The following GRIN2B variants were observed in gnomAD, a reference collection of about 807,000 sequenced individuals.
GRIN2B encodes the protein glutamate ionotropic receptor NMDA type subunit 2B.
A neutral mutation model predicts 114.5 loss-of-function variants in GRIN2B; 5 were observed. The ratio of observed to expected loss-of-function variants is 0.04; its 90% CI spans 0.02 to 0.09. The LOEUF (loss-of-function observed/expected upper bound fraction) is 0.09. Among genes scored for constraint, GRIN2B ranks in the 10% least tolerant of loss-of-function variants. The probability of loss-of-function intolerance (pLI) is 1.00; values close to 1 mark genes in which losing one functional copy is unlikely to be tolerated. For missense variants in GRIN2B, 1,108 were observed against 1,943.5 expected, an observed-to-expected ratio of 0.57 and a Z score of 8.08; for synonymous variants, 787 against 745.1, an observed-to-expected ratio of 1.06 and a Z score of -0.92.
At chr12:13,908,892 C>T (rs892843934) in intron 2 of GRIN2B, among the ~76,000 whole-genome samples, 5 of 152,108 alleles carry the variant, frequency 3.3e-5, no homozygotes, top group African/African-American at 9.7e-5. Flanking sequence ...GTGCATAACA[C>T]GAAGCACACT....
chr12:13,705,445 T>C (rs890845052), intron 4 of GRIN2B, among the ~76,000 whole-genome samples: 6 of 152,158 alleles, frequency 3.9e-5, no homozygotes, highest in Non-Finnish European at 8.8e-5. Context: ...TTTAAAAGTA[T>C]ACTATATTTT....
chr12:13,784,560 A>AC (rs1408143071), intron 3 of GRIN2B, among the ~76,000 whole-genome samples: 3 of 151,550 alleles, frequency 2.0e-5, no homozygotes, highest in African/African-American at 4.8e-5. Flanking sequence ...GTCAATTTCC[A>AC]CCCCCCTGCC....
At chr12:13,689,325 T>C (rs1008631665) in intron 4 of GRIN2B, among the ~76,000 whole-genome samples, 3 of 152,176 alleles carry the variant, frequency 2.0e-5, no homozygotes, top group African/African-American at 7.2e-5. Context: ...AGTTAAAACT[T>C]ATGAAGCACT....
chr12:13,694,497 T>A (rs1950241437), intron 4 of GRIN2B, among the ~76,000 whole-genome samples: 3 of 151,486 alleles, frequency 2.0e-5, no homozygotes, highest in Admixed American at 2.0e-4. Flanking sequence ...AATCCCATGT[T>A]ACAGATGAGG....
At chr12:13,625,710 G>T (rs965982144) in intron 5 of GRIN2B, among the ~76,000 whole-genome samples, 2 of 152,030 alleles carry the variant, frequency 1.3e-5, no homozygotes, top group Non-Finnish European at 2.9e-5. Flanking sequence ...CAAACATCAG[G>T]GCGAACTCTA....
At chr12:13,793,814 A>G (rs1748749844) in intron 3 of GRIN2B, among the ~76,000 whole-genome samples, 2 of 152,158 alleles carry the variant, frequency 1.3e-5, no homozygotes, top group Admixed American at 6.5e-5. Context: ...TCAGTAAGTC[A>G]TATCTTCAAA....
At chr12:13,627,004 C>T (rs550528322) in intron 5 of GRIN2B, among the ~76,000 whole-genome samples, 1 of 151,802 alleles carries the variant, frequency 6.6e-6, no homozygotes, top group Non-Finnish European at 1.5e-5. Context: ...GTCGAATCCT[C>T]GGGATTTTTG....
intron 3 of GRIN2B, among the ~76,000 whole-genome samples, chr12:13,793,959 T>C (rs1344784404): frequency 6.8e-6 from 1 of 147,656 alleles, no homozygotes. Flanking sequence ...CCCAGCACTT[T>C]GGGAGGCCAA....
chr12:13,571,714 G>A (rs967468787), intron 11 of GRIN2B, 90 bp downstream of exon 11: 9 of 1,300,160 alleles, frequency 6.9e-6, no homozygotes, highest in African/African-American at 5.8e-5. Flanking sequence ...ATGATACCAA[G>A]CATGGTATAC....
intron 10 of GRIN2B, among the ~76,000 whole-genome samples, chr12:13,581,960 G>A (rs996726287): frequency 3.3e-5 from 5 of 150,866 alleles, no homozygotes; most frequent in African/African-American, 1.2e-4. Context: ...GTAAACACAT[G>A]GGTTATGGGC....
At chr12:13,804,428 T>C (rs1283642769) in intron 3 of GRIN2B, among the ~76,000 whole-genome samples, 3 of 152,102 alleles carry the variant, frequency 2.0e-5, no homozygotes, top group African/African-American at 7.2e-5. Flanking sequence ...ATCAACCCCA[T>C]CTATTTTTAG....
At position 13,969,835 on chromosome 12, in the gene GRIN2B, G is replaced by C. The variant is rs73303083; in HGVS notation, c.-19+10093C>G. On this transcript the variant is annotated intron_variant, in intron 2 of 13. Coordinates refer to ENST00000609686, the MANE Select transcript of GRIN2B (RefSeq NM_000834.5). ...GAAATCAAAGCAGCTTTGTAAATGG[G>C]TACATAATAAAAAGGAGAGGTTGAG... Among the ~76,000 whole-genome samples the C allele has an allele frequency of 4.4e-3, 663 of 152,244 alleles. 5 individuals carry two copies. Among genetic ancestry groups the C allele is most frequent in the African/African-American group, 0.015 (618 of 41,530 alleles).
intron 2 of GRIN2B, among the ~76,000 whole-genome samples, chr12:13,899,823 G>A (rs961396068): frequency 9.4e-6 from 1 of 106,538 alleles, no homozygotes; most frequent in African/African-American, 2.7e-5. Context: ...CTTTATAGAA[G>A]ACAGTATATG....
intron 2 of GRIN2B, among the ~76,000 whole-genome samples, chr12:13,907,639 G>A (rs1004766618): frequency 5.9e-5 from 9 of 152,138 alleles, no homozygotes; most frequent in Non-Finnish European, 4.4e-5. Context: ...GTATTGACTG[G>A]AAATGGGCAT....
chr12:13,926,470 A>G (rs989536488), intron 2 of GRIN2B, among the ~76,000 whole-genome samples: 3 of 152,164 alleles, frequency 2.0e-5, no homozygotes, highest in Admixed American at 6.5e-5. Flanking sequence ...AGTTGACAGC[A>G]TGTGCTCAGA....
chr12:13,833,655 G>A (rs371055762), intron 3 of GRIN2B, among the ~76,000 whole-genome samples: 16 of 152,152 alleles, frequency 1.1e-4, no homozygotes, highest in Non-Finnish European at 1.9e-4. Context: ...AACAGCAGGT[G>A]CAAACATGGG....
chr12:13,665,558 G>A (rs977772938), intron 5 of GRIN2B, among the ~76,000 whole-genome samples: 2 of 152,034 alleles, frequency 1.3e-5, no homozygotes, highest in Admixed American at 1.3e-4. Flanking sequence ...GGACACAAAC[G>A]GAGCTAGATG....
chr12:13,905,029 T>C (rs1866514797), intron 2 of GRIN2B, among the ~76,000 whole-genome samples: 1 of 152,118 alleles, frequency 6.6e-6, no homozygotes, highest in Non-Finnish European at 1.5e-5. Context: ...GATCTGTTCA[T>C]TTATAACTAT....
chr12:13,695,958 C>T (rs1207891253), intron 4 of GRIN2B, among the ~76,000 whole-genome samples: 1 of 152,124 alleles, frequency 6.6e-6, no homozygotes, highest in Non-Finnish European at 1.5e-5. Context: ...GCATCAATTG[C>T]TCCCTGTGAC....
Sources: gnomAD v4.1 joint callset for allele counts (sites outside exome capture counted in the v4.1 genomes callset) on GRCh38, gnomAD v4.1.1 for gene constraint, MANE v1.5 for transcripts, NCBI Gene and HGNC (gene_info 2026-07-23, HGNC 2026-07-21) for gene names.